CACNA1C: variants seen among roughly 807,000 people sequenced by gnomAD.
CACNA1C encodes the protein calcium voltage-gated channel subunit alpha1 C, also known as voltage-dependent L-type calcium channel subunit alpha-1C.
In CACNA1C, 30 loss-of-function variants were observed where a neutral mutation model predicts 229.0. The observed-to-expected ratio is 0.13, with a 90% confidence interval of 0.10 to 0.18. CACNA1C has a LOEUF of 0.18. CACNA1C is among the 10% of genes least tolerant of loss of function. CACNA1C has a pLI of 1.00. For synonymous variants in CACNA1C, 1,114 were observed against 1,132.5 expected (o/e 0.98, Z 0.33); for missense variants, 1,658 against 2,845.0 (o/e 0.58, Z 9.49).
rs2096963462 is a variant in CACNA1C, at chr12:2,678,899, T to C, written c.5092-545T>C. Among the ~76,000 whole-genome samples, 1 of 152,182 alleles carries C rather than the reference T, an allele frequency of 6.6e-6. No homozygotes were observed. Among genetic ancestry groups the C allele is most frequent in the African/African-American group, 2.4e-5 (1 of 41,438 alleles). Reference sequence around the variant, plus strand: ...AAACATTGGCTCCTGGTTTTAAATCTCTCTGAGTCCCCGAGGGGAAAAAGA... The same window carrying C: ...AAACATTGGCTCCTGGTTTTAAATCCCTCTGAGTCCCCGAGGGGAAAAAGA... On this transcript the variant is annotated intron_variant, in intron 41 of 46. Transcript: ENST00000399655. This position sits in a 1 kb window ranked among gnomAD's most constrained non-coding sequence, Gnocchi z 4.1.
At chr12:2,135,247 T>C (rs1197181600) in intron 3 of CACNA1C, among the ~76,000 whole-genome samples, 2 of 145,464 alleles carry the variant, frequency 1.4e-5, no homozygotes, top group African/African-American at 2.6e-5. Context: ...TTGCCTTTGG[T>C]TTGAGTGTCC....
At chr12:2,149,749 G>A (rs2154210966) in intron 3 of CACNA1C, among the ~76,000 whole-genome samples, 1 of 152,310 alleles carries the variant, frequency 6.6e-6, no homozygotes, top group East Asian at 1.9e-4. Flanking sequence ...AAGTAAGGAA[G>A]ATCAGCTCTC....
At chr12:2,030,191 C>T (rs2047992371) in intron 1 of CACNA1C, among the ~76,000 whole-genome samples, 1 of 152,158 alleles carries the variant, frequency 6.6e-6, no homozygotes, top group African/African-American at 2.4e-5. Context: ...TGTCTATAAA[C>T]ATGAACATCT....
At chr12:2,687,603 G>C (rs531648312) in intron 45 of CACNA1C, among the ~76,000 whole-genome samples, 1 of 150,652 alleles carries the variant, frequency 6.6e-6, no homozygotes, top group East Asian at 1.9e-4. Flanking sequence ...GCAATGGCAC[G>C]ATCTCGGCTC....
At position 2,566,786 on chromosome 12, in the gene CACNA1C, G is replaced by A. The variant is rs987535374; in HGVS notation, c.1669+204G>A. ...GCGCTACCTTGTTAAAAACAGACACGGCTCTCCTGACTGGGCCCACACCAT... is the reference window on the plus strand; with the variant it reads ...GCGCTACCTTGTTAAAAACAGACACAGCTCTCCTGACTGGGCCCACACCAT... On this transcript the variant is annotated intron_variant, in intron 12 of 46. Transcript: ENST00000399655. This position sits in a 1 kb window ranked among gnomAD's most constrained non-coding sequence, Gnocchi z 4.0. 2.0e-5 allele frequency among the ~76,000 whole-genome samples: 3 copies of A among 152,292 alleles called. No individual in the cohort carries two copies. In the East Asian group the frequency reaches 5.8e-4, roughly 29 times the overall value.
intron 3 of CACNA1C, among the ~76,000 whole-genome samples, chr12:2,147,216 T>A (rs1399777993): frequency 6.6e-6 from 1 of 151,270 alleles, no homozygotes; most frequent in Non-Finnish European, 1.5e-5. Flanking sequence ...TTCAGGAGCT[T>A]CAAAGAAATT....
chr12:2,116,299 G>A (rs1049535490), intron 2 of CACNA1C, among the ~76,000 whole-genome samples: 3 of 152,270 alleles, frequency 2.0e-5, no homozygotes, highest in African/African-American at 7.2e-5. Context: ...GCTTTGAAGG[G>A]ATGGGCGCTC....
chr12:2,550,813 G>A, intron 10 of CACNA1C: 1 of 569,178 alleles, frequency 1.8e-6, no homozygotes, highest in Non-Finnish European at 2.7e-6. Context: ...AGCAATGCCG[G>A]CCTTGAGCGT....
intron 3 of CACNA1C, among the ~76,000 whole-genome samples, chr12:2,321,108 G>A (rs1592724926): frequency 6.6e-6 from 1 of 152,220 alleles, no homozygotes; most frequent in Non-Finnish European, 1.5e-5. Flanking sequence ...AGCCAACAGA[G>A]GCTGTCTGCT....
At chr12:2,120,547 C>A in intron 3 of CACNA1C, 117 bp downstream of exon 3, 1 of 731,984 alleles carries the variant, frequency 1.4e-6, no homozygotes, top group Admixed American at 2.1e-5. Context: ...TGTGCAGGAG[C>A]CCTGCAGAGC....
At chr12:2,600,452 C>G (rs990257747) in intron 21 of CACNA1C, among the ~76,000 whole-genome samples, 2 of 152,226 alleles carry the variant, frequency 1.3e-5, no homozygotes, top group Non-Finnish European at 2.9e-5. Context: ...TGGGCATGCT[C>G]TGATTCCAAA....
intron 18 of CACNA1C, among the ~76,000 whole-genome samples, chr12:2,591,898 C>A (rs1414010589): frequency 6.6e-6 from 1 of 152,242 alleles, no homozygotes; most frequent in Non-Finnish European, 1.5e-5. Flanking sequence ...ATGCATCCCT[C>A]CAATCTCTGC....
intron 3 of CACNA1C, among the ~76,000 whole-genome samples, chr12:2,214,205 A>G (rs2059395400): frequency 1.3e-5 from 2 of 152,194 alleles, no homozygotes; most frequent in South Asian, 4.1e-4. Flanking sequence ...AAAGCAGCGC[A>G]TATCTGAAAT....
Position 2,067,162 on chromosome 12 carries a change from G to A in CACNA1C, c.49+13551G>A, listed in dbSNP as rs1001616278. Among the ~76,000 whole-genome samples, 5 of 152,122 alleles carry A rather than the reference G, an allele frequency of 3.3e-5. No homozygotes were observed. Among genetic ancestry groups the A allele is most frequent in the East Asian group, 3.9e-4 (2 of 5,180 alleles). ...AAAGGGTTCTAGCTCTGTAGGAGGC[G>A]TGCCAAGCTCGAGCTGGTGTGGGAG... On this transcript the variant is annotated intron_variant, in intron 1 of 46. Transcript: ENST00000399655. This position sits in a 1 kb window ranked among gnomAD's most constrained non-coding sequence, Gnocchi z 5.3.
At chr12:2,361,861 G>A (rs1386362091) in intron 3 of CACNA1C, among the ~76,000 whole-genome samples, 1 of 152,250 alleles carries the variant, frequency 6.6e-6, no homozygotes, top group African/African-American at 2.4e-5. Context: ...GTTGCTCAGA[G>A]CAGTAGACTT....
chr12:2,433,891 A>G (rs1032055087), intron 3 of CACNA1C, among the ~76,000 whole-genome samples: 1 of 152,222 alleles, frequency 6.6e-6, no homozygotes, highest in Non-Finnish European at 1.5e-5. Flanking sequence ...GGGGCAGTAC[A>G]TGGACATTTT....
At chr12:2,156,969 C>T (rs1240683178) in intron 3 of CACNA1C, among the ~76,000 whole-genome samples, 2 of 152,186 alleles carry the variant, frequency 1.3e-5, no homozygotes, top group African/African-American at 4.8e-5. Flanking sequence ...CTGTATGAGA[C>T]AGCTGAATCC....
At chr12:2,262,115 C>CA (rs1491434282) in intron 3 of CACNA1C, among the ~76,000 whole-genome samples, 1 of 152,228 alleles carries the variant, frequency 6.6e-6, no homozygotes, top group Non-Finnish European at 1.5e-5. Flanking sequence ...CTTCAGGACT[C>CA]ACAGTTGCTG....
chr12:2,560,931 G>A (rs879409738), intron 11 of CACNA1C, among the ~76,000 whole-genome samples: 4 of 149,904 alleles, frequency 2.7e-5, no homozygotes, highest in Middle Eastern at 3.4e-3. Context: ...TGATGTTGTC[G>A]ACGATTCCAG....
Sources: allele counts gnomAD v4.1 joint callset (sites outside exome capture counted in the v4.1 genomes callset), GRCh38; gene constraint gnomAD v4.1.1; non-coding constraint Gnocchi (gnomAD v3.1); transcripts MANE v1.5; gene names NCBI Gene and HGNC (gene_info 2026-07-23, HGNC 2026-07-21).